Variants in ACSS2 observed in about 807,000 individuals in gnomAD.
ACSS2 encodes acyl-CoA synthetase short chain family member 2.
ACSS2 carries 58 observed loss-of-function variants against 90.6 expected under a neutral mutation model. The observed-to-expected ratio is 0.64, with a 90% confidence interval of 0.52 to 0.80. ACSS2 has a LOEUF of 0.80. Among genes scored for constraint, ACSS2 ranks in the 30% least tolerant of loss-of-function variants. ACSS2 has a pLI of 0.00. For synonymous variants in ACSS2, 300 were observed against 330.9 expected, an observed-to-expected ratio of 0.91 and a Z score of 1.01; for missense variants, 759 against 912.0, an observed-to-expected ratio of 0.83 and a Z score of 2.16.
chr20:34,875,719 C>T (rs2079892254), upstream of ACSS2: 1 of 153,558 alleles, frequency 6.5e-6, no homozygotes, highest in South Asian at 1.9e-4. Context: ...CTAACTTGGT[C>T]GTTATTTGCT....
At chr20:34,923,456 G>C (rs760518701) in intron 14 of ACSS2, 25 bp downstream of exon 14, 154 of 1,543,448 alleles carry the variant, frequency 1.0e-4, no homozygotes, top group Non-Finnish European at 7.3e-5. Context: ...TCCCCCTCTT[G>C]CACCTCCCAC....
At chr20:34,908,884 A>G (rs969765584) in intron 2 of ACSS2, 10 of 420,266 alleles carry the variant, frequency 2.4e-5, no homozygotes, top group Admixed American at 6.0e-5. Flanking sequence ...AAAAAAAAGC[A>G]CACATCTCTT....
intron 1 of ACSS2, among the ~76,000 whole-genome samples, chr20:34,877,921 T>C (rs1314424991): frequency 6.7e-6 from 1 of 149,030 alleles, no homozygotes; most frequent in Non-Finnish European, 1.5e-5. Context: ...GATAGATAGA[T>C]AGATAGATAG....
At position 34,919,576 on chromosome 20, in the gene ACSS2, AGTGTGTGTGTGTGTGT is replaced by A. The variant is rs59343003; in HGVS notation, c.972+33_972+48del. 6.1e-5 allele frequency: 90 copies of A among 1,475,180 alleles called. No homozygotes were observed. The highest frequency in any genetic ancestry group is 2.9e-4 in the East Asian group (12 of 41,138). The allele number at this position is 1,475,180 out of a possible 1,614,324, so 91.4% of individuals were successfully genotyped here. On this transcript the variant is annotated splice_donor_5th_base_variant and intron_variant, in intron 8 of 17. Transcript: ENST00000360596. ...TGGCTCCACAGGCAAACCCAAGGCA[AGTGTGTGTGTGTGTGT>A]GTGTGTGTGTGTGTGTGTGTGTGTG...
chr20:34,892,620 G>A (rs2080360922), intron 2 of ACSS2, among the ~76,000 whole-genome samples: 1 of 152,172 alleles, frequency 6.6e-6, no homozygotes, highest in South Asian at 2.1e-4. Context: ...TAAGTCCTGT[G>A]ACATAGATTG....
chr20:34,925,890 G>T (rs911429239), intron 15 of ACSS2, 124 bp downstream of exon 15: 7 of 1,210,890 alleles, frequency 5.8e-6, no homozygotes, highest in African/African-American at 1.5e-5. Context: ...GTAGCATTCA[G>T]TTCTGGGCCC....
At position 34,884,514 on chromosome 20, in the gene ACSS2, A is replaced by ATTG. The variant is rs1170354529; in HGVS notation, c.374+1530_374+1532dup. Reference sequence around the variant, plus strand: ...ATTCTATCCTTGTTTTTCTCTCTAGATTGTTGTAAGAATCAAATGAGATAA... The same window carrying ATTG: ...ATTCTATCCTTGTTTTTCTCTCTAGATTGTTGTTGTAAGAATCAAATGAGATAA... On this transcript the variant is annotated intron_variant, in intron 2 of 17. Transcript: ENST00000360596. Among the ~76,000 whole-genome samples the ATTG allele has an allele frequency of 4.6e-5, 7 of 152,292 alleles. No homozygotes were observed. The East Asian group carries it at 1.2e-3, about 25-fold the overall frequency.
intron 1 of ACSS2, 34 bp from the exon 2 acceptor site, chr20:34,882,760 A>G: frequency 6.2e-7 from 1 of 1,600,710 alleles, no homozygotes. Flanking sequence ...GTCTCAGAAG[A>G]TTAATGATAT....
At chr20:34,876,882 G>C (rs1601263923) in intron 1 of ACSS2, 59 bp downstream of exon 1, 1 of 1,136,482 alleles carries the variant, frequency 8.8e-7, no homozygotes. Flanking sequence ...GGGGCTCCCT[G>C]GGGGAGTCGG....
chr20:34,923,054 C>G (rs2081236857), intron 13 of ACSS2: 2 of 373,146 alleles, frequency 5.4e-6, no homozygotes, highest in Non-Finnish European at 1.0e-5. Flanking sequence ...TTTCCATATA[C>G]TATTAATTTA....
intron 2 of ACSS2, among the ~76,000 whole-genome samples, chr20:34,886,516 T>C (rs1269465600): frequency 1.3e-5 from 2 of 152,006 alleles, no homozygotes; most frequent in Non-Finnish European, 2.9e-5. Flanking sequence ...CCCAGCTACT[T>C]GGGAGGCTGA....
chr20:34,886,462 T>C (rs1354709242), intron 2 of ACSS2, among the ~76,000 whole-genome samples: 2 of 150,816 alleles, frequency 1.3e-5, no homozygotes, highest in African/African-American at 2.4e-5. Context: ...CTACTAAAAA[T>C]ACAAAAAAAA....
intron 2 of ACSS2, among the ~76,000 whole-genome samples, chr20:34,887,239 TC>T (rs1280341685): frequency 6.6e-6 from 1 of 152,244 alleles, no homozygotes; most frequent in African/African-American, 2.4e-5. Context: ...CTCCAGATAC[TC>T]TCACTCCTAG....
At chr20:34,900,502 G>A (rs975855147) in intron 2 of ACSS2, among the ~76,000 whole-genome samples, 1 of 152,084 alleles carries the variant, frequency 6.6e-6, no homozygotes. Flanking sequence ...AGACTGGCCG[G>A]TACAGTCCTG....
Position 34,906,969 on chromosome 20 carries a change from G to A in ACSS2, c.375-6127G>A, listed in dbSNP as rs1428049435. Among the ~76,000 whole-genome samples the A allele has an allele frequency of 3.1e-5, 4 of 127,736 alleles. No homozygotes were observed. The East Asian group carries it at 8.9e-4, about 28-fold the overall frequency. 83.8% of individuals were successfully genotyped at this position (127,736 alleles called of 152,430 possible). A position where few individuals can be genotyped will look rare whatever the true frequency, so the allele number is the denominator to read the frequency against. On this transcript the variant is annotated intron_variant, in intron 2 of 17. Transcript: ENST00000360596. ...ATTGCACTCCAGCCTGGGTGACAGA[G>A]CGAGACTCCATCTCAAAAAAAAAAA...
At chr20:34,891,283 T>C (rs2080329350) in intron 2 of ACSS2, among the ~76,000 whole-genome samples, 1 of 152,172 alleles carries the variant, frequency 6.6e-6, no homozygotes. Flanking sequence ...GCCTTCTCTT[T>C]GTGGGCATGA....
intron 14 of ACSS2, 26 bp downstream of exon 14, chr20:34,923,457 C>T (rs1806590947): frequency 6.5e-7 from 1 of 1,527,550 alleles, no homozygotes; most frequent in Non-Finnish European, 9.1e-7. Context: ...CCCCCTCTTG[C>T]ACCTCCCACT....
At chr20:34,877,909 CAGAT>C (rs71196766) in intron 1 of ACSS2, among the ~76,000 whole-genome samples, 11,621 of 146,486 alleles carry the variant, frequency 0.079, 1,548 homozygotes, top group African/African-American at 0.28. Flanking sequence ...GATAGATAGA[CAGAT>C]AGATAGATAG....
intron 13 of ACSS2, chr20:34,922,204 AGTC>A (rs2081218905): frequency 8.8e-6 from 2 of 226,454 alleles, no homozygotes; most frequent in Non-Finnish European, 1.7e-5. Context: ...TAGGATCTGG[AGTC>A]ACCCTGCCTG....
Sources: gnomAD v4.1 joint callset for allele counts (sites outside exome capture counted in the v4.1 genomes callset) on GRCh38, gnomAD v4.1.1 for gene constraint, MANE v1.5 for transcripts, NCBI Gene and HGNC (gene_info 2026-07-23, HGNC 2026-07-21) for gene names.